The following TUT4 variants were observed in gnomAD, a reference collection of about 807,000 sequenced individuals.
TUT4 encodes the protein terminal uridylyltransferase 4.
In TUT4, 36 loss-of-function variants were observed where a neutral mutation model predicts 192.2. The ratio of observed to expected loss-of-function variants is 0.19; its 90% CI spans 0.14 to 0.25. The LOEUF (loss-of-function observed/expected upper bound fraction) is 0.25. Among genes scored for constraint, TUT4 ranks in the 10% least tolerant of loss-of-function variants. The pLI, the probability that TUT4 is intolerant of heterozygous loss-of-function variation, is 1.00. For missense variants in TUT4, 1,493 were observed against 1,957.2 expected, an observed-to-expected ratio of 0.76 and a Z score of 4.47; for synonymous variants, 618 against 666.0, an observed-to-expected ratio of 0.93 and a Z score of 1.11.
At position 52,477,823 on chromosome 1, in the gene TUT4, C is replaced by T. The variant is rs573859190; in HGVS notation, c.1908G>A (p.Leu636=). 1 of 1,614,014 alleles carries T rather than the reference C, an allele frequency of 6.2e-7. No homozygotes were observed. Among genetic ancestry groups the T allele is most frequent in the Non-Finnish European group, 8.5e-7 (1 of 1,179,958 alleles). ...CAAAATCCAGTGTGTAGAATTTAAG[C>T]AGCTCTAACCATAACTGTCCCAAGG... ...RVSLGQLWLE[L]LKFYTLDFAL... Residue 636 remains leucine, a synonymous_variant, in exon 12 of 30, where the codon CTG becomes CTA. Coordinates refer to ENST00000257177, the MANE Select transcript of TUT4 (RefSeq NM_001009881.3).
chr1:52,423,856 A>T lies in TUT4; in HGVS notation c.*79T>A. ...TTTCTGCTGAATGTAACTGACATTG[A>T]GGTACGGATACCCTTGAGACAGCAG... On this transcript the variant is annotated 3_prime_UTR_variant, in exon 30 of 30. Transcript: ENST00000257177. 1 of 1,574,926 alleles carries T rather than the reference A, an allele frequency of 6.3e-7. No homozygotes were observed. The highest frequency in any genetic ancestry group is 8.6e-7 in the Non-Finnish European group (1 of 1,160,326).
At chr1:52,524,797 T>C (rs1207012439) in intron 2 of TUT4, among the ~76,000 whole-genome samples, 2 of 152,140 alleles carry the variant, frequency 1.3e-5, no homozygotes, top group Non-Finnish European at 2.9e-5. Flanking sequence ...AGTAAGACTC[T>C]GTCTCAGAAA....
intron 24 of TUT4, among the ~76,000 whole-genome samples, chr1:52,442,090 C>A (rs1176654055): frequency 6.8e-6 from 1 of 146,582 alleles, no homozygotes; most frequent in Non-Finnish European, 1.5e-5. Context: ...ATCACTTGAA[C>A]CTGGGTGGTG....
chr1:52,478,354 AAAAACT>A (rs898003772), intron 11 of TUT4, among the ~76,000 whole-genome samples: 8 of 152,228 alleles, frequency 5.3e-5, no homozygotes, highest in African/African-American at 1.9e-4. Flanking sequence ...TGGCTTTCAA[AAAAACT>A]AATTCCTTCA....
At chr1:52,491,769 G>C (rs1460884898) in intron 7 of TUT4, among the ~76,000 whole-genome samples, 2 of 151,250 alleles carry the variant, frequency 1.3e-5, no homozygotes, top group Non-Finnish European at 3.0e-5. Flanking sequence ...TTTCTCAATA[G>C]TACTTGTTGT....
At chr1:52,528,190 T>A (rs61782556) in intron 1 of TUT4, among the ~76,000 whole-genome samples, 117,583 of 147,496 alleles carry the variant, frequency 0.8, 47,162 homozygotes, top group Middle Eastern at 0.89. Context: ...AAAAAAATAA[T>A]AATAATAATA....
intron 1 of TUT4, among the ~76,000 whole-genome samples, chr1:52,545,337 A>T (rs1372108913): frequency 6.6e-6 from 1 of 151,432 alleles, no homozygotes; most frequent in African/African-American, 2.4e-5. Flanking sequence ...AGATTGCGCC[A>T]CTGCTCTACA....
intron 28 of TUT4, among the ~76,000 whole-genome samples, chr1:52,427,683 A>G (rs1478434042): frequency 6.6e-6 from 1 of 152,230 alleles, no homozygotes; most frequent in Admixed American, 6.5e-5. Flanking sequence ...TCAGCAAAAT[A>G]CCTTACTTGC....
chr1:52,549,311 T>C (rs1424408236), intron 1 of TUT4, among the ~76,000 whole-genome samples: 1 of 152,330 alleles, frequency 6.6e-6, no homozygotes, highest in East Asian at 1.9e-4. Flanking sequence ...CAATCATTTA[T>C]CTCACCATTC....
intron 1 of TUT4, among the ~76,000 whole-genome samples, chr1:52,535,429 A>G (rs935117101): frequency 3.3e-5 from 5 of 152,142 alleles, no homozygotes; most frequent in South Asian, 2.1e-4. Context: ...TTATAATCTC[A>G]TATTTCTAAA....
At position 52,440,885 on chromosome 1, in the gene TUT4, C is replaced by A. The variant is rs138624450; in HGVS notation, c.3823-2550G>T. 5.0e-3 allele frequency among the ~76,000 whole-genome samples: 767 copies of A among 152,154 alleles called. 8 individuals are homozygous for A. Among genetic ancestry groups the A allele is most frequent in the African/African-American group, 0.017 (711 of 41,530 alleles). The stretch of plus-strand genomic sequence containing the variant: ...GCTAATACTAATAATTAGATATAAT[C>A]TTTTATAAGTTTACCACTAAGAATA... On this transcript the variant is annotated intron_variant, in intron 24 of 29. Transcript: ENST00000257177.
At chr1:52,491,238 C>T (rs1671069358) in intron 7 of TUT4, among the ~76,000 whole-genome samples, 1 of 152,140 alleles carries the variant, frequency 6.6e-6, no homozygotes, top group South Asian at 2.1e-4. Flanking sequence ...TAATTACAAC[C>T]TAACTCTTCA....
chr1:52,548,318 C>T (rs1688592547), intron 1 of TUT4, among the ~76,000 whole-genome samples: 1 of 152,080 alleles, frequency 6.6e-6, no homozygotes. Context: ...TATTATTAAA[C>T]TACACACTGA....
In TUT4 at chr1:52,550,417, T is replaced by G. The variant is rs183512554; in HGVS notation, c.-94+2514A>C. The stretch of plus-strand genomic sequence containing the variant: ...ATCAATTCAAGTATTTGCAATTTAT[T>G]TGAAAAAGGAACACAACTCATTGAG... On this transcript the variant is annotated intron_variant, in intron 1 of 29. Transcript: ENST00000257177. Among the ~76,000 whole-genome samples, 241 of 152,242 alleles carry G rather than the reference T, an allele frequency of 1.6e-3. 2 individuals are homozygous for G. The highest frequency in any genetic ancestry group is 8.5e-4 in the Non-Finnish European group (58 of 68,016).
At chr1:52,499,133 C>T (rs1673409332) in intron 4 of TUT4, among the ~76,000 whole-genome samples, 1 of 151,120 alleles carries the variant, frequency 6.6e-6, no homozygotes, top group South Asian at 2.1e-4. Context: ...GTCAGGTAGC[C>T]CACACCTGTA....
rs1411928504 is a variant in TUT4, at chr1:52,540,510, G to A, written c.-94+12421C>T. On this transcript the variant is annotated intron_variant, in intron 1 of 29. Coordinates refer to ENST00000257177, the MANE Select transcript of TUT4 (RefSeq NM_001009881.3). ...AGCCTGGGCGAAAGAGCAAGACTCC[G>A]ACTCAAAAAAAAAAAAAGAAAGAAA... 4.5e-3 allele frequency among the ~76,000 whole-genome samples: 599 copies of A among 134,384 alleles called. 5 individuals are homozygous for A. Among genetic ancestry groups the A allele is most frequent in the African/African-American group, 0.017 (552 of 33,146 alleles). 88.2% of individuals were successfully genotyped at this position (134,384 alleles called of 152,430 possible). A position where few individuals can be genotyped will look rare whatever the true frequency, so the allele number is the denominator to read the frequency against.
At chr1:52,491,081 T>G (rs1031655585) in intron 7 of TUT4, among the ~76,000 whole-genome samples, 4 of 152,140 alleles carry the variant, frequency 2.6e-5, no homozygotes, top group African/African-American at 9.7e-5. Context: ...TATTTCCAAG[T>G]AAGTAGATAA....
At chr1:52,471,182 A>G (rs1329453905) in intron 14 of TUT4, among the ~76,000 whole-genome samples, 1 of 151,824 alleles carries the variant, frequency 6.6e-6, no homozygotes, top group African/African-American at 2.4e-5. Context: ...ATGCCCAGCT[A>G]ATTTCTGTAT....
At chr1:52,553,343 A>C (rs1393436703), upstream of TUT4, 1 of 46,686 alleles carries the variant, frequency 2.1e-5, no homozygotes. Context: ...GGGGCGGGGG[A>C]GGGGGGAAAC....
Sources: gnomAD v4.1 joint callset for allele counts (sites outside exome capture counted in the v4.1 genomes callset) on GRCh38, gnomAD v4.1.1 for gene constraint, MANE v1.5 for transcripts, NCBI Gene and HGNC (gene_info 2026-07-23, HGNC 2026-07-21) for gene names.